HECW2: variants seen among roughly 807,000 people sequenced by gnomAD.
HECW2 encodes the protein HECT, C2 and WW domain containing E3 ubiquitin protein ligase 2, also known as E3 ubiquitin-protein ligase HECW2.
HECW2 carries 61 observed loss-of-function variants against 175.2 expected under a neutral mutation model. The observed-to-expected ratio is 0.35, with a 90% CI of 0.28 to 0.43. The LOEUF is 0.43. Among genes scored for constraint, HECW2 ranks in the 20% least tolerant of loss-of-function variants. The probability of loss-of-function intolerance (pLI) is 1.00; values close to 1 mark genes in which losing one functional copy is unlikely to be tolerated. For missense variants in HECW2, 1,524 were observed against 2,000.5 expected, an observed-to-expected ratio of 0.76 and a Z score of 4.54; for synonymous variants, 671 against 731.0, an observed-to-expected ratio of 0.92 and a Z score of 1.32.
chr2:196,526,807 G>T, intron 1 of HECW2, among the ~76,000 whole-genome samples: 1 of 152,090 alleles, frequency 6.6e-6, no homozygotes, highest in Non-Finnish European at 1.5e-5. Context: ...AGGGGTCAGG[G>T]ACCCACTTGA....
intron 2 of HECW2, among the ~76,000 whole-genome samples, chr2:196,418,654 A>AC (rs1194252901): frequency 6.6e-6 from 1 of 152,224 alleles, no homozygotes; most frequent in African/African-American, 2.4e-5. Flanking sequence ...CCAAAAAATG[A>AC]GAGTATAAAG....
At chr2:196,404,301 T>G (rs1694900961) in intron 2 of HECW2, among the ~76,000 whole-genome samples, 1 of 152,218 alleles carries the variant, frequency 6.6e-6, no homozygotes, top group Admixed American at 6.5e-5. Context: ...CTTACTTGCC[T>G]AAGCATTAGT....
chr2:196,450,109 A>G (rs547825006), intron 1 of HECW2, among the ~76,000 whole-genome samples: 14 of 152,344 alleles, frequency 9.2e-5, no homozygotes, highest in Admixed American at 7.8e-4. Context: ...TGCCTAAGGC[A>G]AAGTCCATCC....
At chr2:196,463,574 T>C (rs1696833218) in intron 1 of HECW2, among the ~76,000 whole-genome samples, 1 of 152,206 alleles carries the variant, frequency 6.6e-6, no homozygotes, top group South Asian at 2.1e-4. Context: ...ATAACAGTAG[T>C]AATTGCAGAG....
At chr2:196,275,783 T>C (rs899507688) in intron 15 of HECW2, among the ~76,000 whole-genome samples, 2 of 152,084 alleles carry the variant, frequency 1.3e-5, no homozygotes, top group Non-Finnish European at 2.9e-5. Flanking sequence ...AAATGTGTTA[T>C]TTATTTGCAT....
In HECW2 at chr2:196,375,616, T is replaced by C. The variant is rs562105779; in HGVS notation, c.293-31852A>G. Among the ~76,000 whole-genome samples the C allele has an allele frequency of 1.9e-4, 29 of 152,334 alleles. 1 individual carries two copies. In the East Asian group the frequency reaches 4.4e-3, roughly 23 times the overall value. On this transcript the variant is annotated intron_variant, in intron 2 of 28. Coordinates refer to ENST00000644978, the MANE Select transcript of HECW2 (RefSeq NM_001348768.2). ...GACGGGTAAAAGACTGGCAAGTGTA[T>C]ACTTGAGAATCAAAATTGATTATTA...
intron 17 of HECW2, among the ~76,000 whole-genome samples, chr2:196,270,355 G>C (rs1011418255): frequency 1.3e-5 from 2 of 152,180 alleles, no homozygotes; most frequent in Admixed American, 6.5e-5. Context: ...AAGGGGAACA[G>C]CATGTATTCA....
chr2:196,463,038 T>C (rs193243000), intron 1 of HECW2, among the ~76,000 whole-genome samples: 1 of 152,260 alleles, frequency 6.6e-6, no homozygotes, highest in African/African-American at 2.4e-5. Context: ...TTGGTAGAAA[T>C]TTAACTTGTA....
chr2:196,416,907 T>C (rs1055006278), intron 2 of HECW2, among the ~76,000 whole-genome samples: 1 of 152,256 alleles, frequency 6.6e-6, no homozygotes, highest in Non-Finnish European at 1.5e-5. Flanking sequence ...TTAAGTCATA[T>C]TGCTTTCCTA....
chr2:196,548,237 G>C (rs1169448204), intron 1 of HECW2, among the ~76,000 whole-genome samples: 1 of 151,830 alleles, frequency 6.6e-6, no homozygotes, highest in Admixed American at 6.6e-5. Flanking sequence ...GGCTGAGGCA[G>C]GAGAATTGCT....
intron 1 of HECW2, among the ~76,000 whole-genome samples, chr2:196,529,290 A>G (rs1688767112): frequency 6.6e-6 from 1 of 152,186 alleles, no homozygotes; most frequent in South Asian, 2.1e-4. Flanking sequence ...ACATGTTGCC[A>G]TCTCCCTTCA....
Position 196,386,004 on chromosome 2 carries a change from C to T in HECW2, c.293-42240G>A, listed in dbSNP as rs1694337068. On this transcript the variant is annotated intron_variant, in intron 2 of 28. Transcript: ENST00000644978. The stretch of plus-strand genomic sequence containing the variant: ...ACCAATGTGCCACCTCTACCCTCAA[C>T]CCTGAAACTGTTTAGAAAGGAGAAA... Among the ~76,000 whole-genome samples the T allele has an allele frequency of 2.0e-5, 3 of 152,260 alleles. No homozygotes were observed. The South Asian group carries it at 6.2e-4, about 32-fold the overall frequency.
At position 196,200,021 on chromosome 2, in the gene HECW2, G is replaced by GT. The variant is rs1575208235; in HGVS notation, c.*1255dup. ...ACTGAGCTTAGTGTTTAATGATGCT[G>GT]TACAAATAAAAAGCAGTGGGGGAAA... On this transcript the variant is annotated 3_prime_UTR_variant, in exon 29 of 29. Transcript: ENST00000644978. 1 of 152,550 alleles carries GT rather than the reference G, an allele frequency of 6.6e-6. No homozygotes were observed. The highest frequency in any genetic ancestry group is 2.4e-5 in the African/African-American group (1 of 41,430). The allele number at this position is 152,550 out of a possible 1,614,324, so 9.4% of individuals were successfully genotyped here. A position where few individuals can be genotyped will look rare whatever the true frequency, so the allele number is the denominator to read the frequency against.
chr2:196,443,493 T>A (rs559551968), intron 1 of HECW2, among the ~76,000 whole-genome samples: 20 of 152,328 alleles, frequency 1.3e-4, no homozygotes, highest in South Asian at 6.2e-4. Context: ...ACCTATACTT[T>A]TAAAATGTTA....
At chr2:196,350,207 T>C (rs1693121037) in intron 2 of HECW2, among the ~76,000 whole-genome samples, 1 of 152,040 alleles carries the variant, frequency 6.6e-6, no homozygotes, top group South Asian at 2.1e-4. Flanking sequence ...CTAATAAAAA[T>C]ACAAAAAATT....
At chr2:196,558,222 T>C (rs1208994561) in intron 1 of HECW2, among the ~76,000 whole-genome samples, 1 of 152,194 alleles carries the variant, frequency 6.6e-6, no homozygotes, top group Non-Finnish European at 1.5e-5. Flanking sequence ...ACTACTTCAA[T>C]ACCTAAAATC....
intron 2 of HECW2, among the ~76,000 whole-genome samples, chr2:196,378,269 C>G (rs540768126): frequency 1.3e-5 from 2 of 152,322 alleles, no homozygotes; most frequent in East Asian, 3.9e-4. Context: ...CACCCCCATA[C>G]ACACACAATT....
chr2:196,292,677 T>C lies in HECW2; in HGVS notation c.2888A>G (p.His963Arg). ...MITKVRRDTH[H>R]FERYQHNRDL... ...GCGGTTATGCTGGTAGCGTTCAAAG[T>C]GGTGGGTGTCCCTCCGGACTTTGGT... The change falls in exon 14 of 29, where the codon CAC becomes CGC. Residue 963 changes from histidine to arginine, a missense_variant. Coordinates refer to ENST00000644978, the MANE Select transcript of HECW2 (RefSeq NM_001348768.2). 6.2e-7 allele frequency: 1 copy of C among 1,614,172 alleles called. No homozygotes were observed. Among genetic ancestry groups the C allele is most frequent in the East Asian group, 2.2e-5 (1 of 44,884 alleles).
intron 16 of HECW2, among the ~76,000 whole-genome samples, chr2:196,273,582 A>G (rs980699875): frequency 6.6e-6 from 1 of 152,162 alleles, no homozygotes; most frequent in Non-Finnish European, 1.5e-5. Flanking sequence ...TATTTGTGAC[A>G]AAAGCCCTTA....
Sources: gnomAD v4.1 joint callset for allele counts (sites outside exome capture counted in the v4.1 genomes callset) on GRCh38, gnomAD v4.1.1 for gene constraint, MANE v1.5 for transcripts, NCBI Gene and HGNC (gene_info 2026-07-23, HGNC 2026-07-21) for gene names.